The following RAD54B variants were observed in gnomAD, a reference collection of about 807,000 sequenced individuals.
RAD54B encodes the protein RAD54 homolog B.
In RAD54B, 78 loss-of-function variants were observed where a neutral mutation model predicts 95.8. The ratio of observed to expected loss-of-function variants is 0.81; its 90% confidence interval spans 0.68 to 0.98. The LOEUF is 0.98. Among genes scored for constraint, RAD54B ranks in the 50% least tolerant of loss-of-function variants. RAD54B has a pLI of 0.00. For synonymous variants in RAD54B, 328 were observed against 354.9 expected (o/e 0.92, Z 0.85); for missense variants, 957 against 1,056.6 (o/e 0.91, Z 1.31).
At chr8:94,468,292 C>T (rs1813078371) in intron 1 of RAD54B, among the ~76,000 whole-genome samples, 1 of 152,144 alleles carries the variant, frequency 6.6e-6, no homozygotes, top group African/African-American at 2.4e-5. Flanking sequence ...TTTTTCCTCG[C>T]TTGGCACCCT....
Position 94,376,171 on chromosome 8 carries a change from G to A in RAD54B, c.2515+2009C>T, listed in dbSNP as rs184496680. ...ATTTACAAAAAATGACCACACACTA[G>A]ACCATACCCCAAGTCTCTATAATTA... On this transcript the variant is annotated intron_variant, in intron 14 of 14. Coordinates refer to ENST00000336148, the MANE Select transcript of RAD54B (RefSeq NM_012415.3). Among the ~76,000 whole-genome samples the A allele has an allele frequency of 9.9e-5, 15 of 152,058 alleles. No individual in the cohort carries two copies. The East Asian group carries it at 2.7e-3, about 27-fold the overall frequency.
chr8:94,458,827 A>G (rs1812836447), intron 2 of RAD54B, among the ~76,000 whole-genome samples: 1 of 152,106 alleles, frequency 6.6e-6, no homozygotes, highest in Non-Finnish European at 1.5e-5. Context: ...AGATTGTACC[A>G]CTGCATTCCA....
chr8:94,467,360 A>G, intron 2 of RAD54B, 45 bp downstream of exon 2: 1 of 1,459,226 alleles, frequency 6.9e-7, no homozygotes, highest in African/African-American at 1.4e-5. Context: ...TTAAACATAC[A>G]TGCTTCTCTA....
At chr8:94,422,752 T>TTTTA (rs1339321134) in intron 3 of RAD54B, among the ~76,000 whole-genome samples, 3 of 125,428 alleles carry the variant, frequency 2.4e-5, no homozygotes, top group South Asian at 2.6e-4. Context: ...CCACAAAAAA[T>TTTTA]TATATATATA....
At chr8:94,380,013 G>T (rs1338392172) in intron 12 of RAD54B, 132 bp downstream of exon 12, 1 of 976,674 alleles carries the variant, frequency 1.0e-6, no homozygotes, top group Admixed American at 2.8e-5. Context: ...AAAGCACTTA[G>T]GAGAGTGCCT....
chr8:94,430,841 G>A, intron 3 of RAD54B: 2 of 985,402 alleles, frequency 2.0e-6, no homozygotes, highest in Non-Finnish European at 2.4e-6. Flanking sequence ...CCTAGTCCAG[G>A]GAGATGTCCT....
intron 14 of RAD54B, among the ~76,000 whole-genome samples, chr8:94,375,277 A>G (rs1810541412): frequency 6.6e-6 from 1 of 152,220 alleles, no homozygotes; most frequent in Admixed American, 6.5e-5. Context: ...ATGGTTTGGC[A>G]GTGTCCCCAC....
At chr8:94,424,200 T>C (rs1811888262) in intron 3 of RAD54B, among the ~76,000 whole-genome samples, 2 of 152,232 alleles carry the variant, frequency 1.3e-5, no homozygotes, top group African/African-American at 2.4e-5. Context: ...CAGAAGGGCA[T>C]GAACTATGGA....
intron 3 of RAD54B, among the ~76,000 whole-genome samples, chr8:94,439,285 A>T (rs1263334028): frequency 1.3e-5 from 2 of 152,216 alleles, no homozygotes; most frequent in East Asian, 3.8e-4. Flanking sequence ...TAGAAAAATA[A>T]AATGCACACG....
chr8:94,431,383 G>GTAA, intron 3 of RAD54B: 19 of 984,490 alleles, frequency 1.9e-5, no homozygotes, highest in Non-Finnish European at 2.2e-5. Context: ...GGTAATTGAT[G>GTAA]TAATTATCCT....
Position 94,430,225 on chromosome 8 carries a change from C to T in RAD54B, c.305-18910G>A, listed in dbSNP as rs750598034. The T allele has an allele frequency of 5.6e-6, 4 of 715,384 alleles. No individual in the cohort carries two copies. The African/African-American group carries it at 5.8e-5, about 10-fold the overall frequency. 44.3% of individuals were successfully genotyped at this position (715,384 alleles called of 1,614,324 possible). A position where few individuals can be genotyped will look rare whatever the true frequency, so the allele number is the denominator to read the frequency against. On this transcript the variant is annotated intron_variant, in intron 3 of 14. Transcript: ENST00000336148. ...ACTTGGGAAGCTGAAGCAGGAGAAT[C>T]GCTTGAACCCAGGAAACGGAGATTG...
chr8:94,401,452 T>C (rs1251895249), intron 6 of RAD54B, among the ~76,000 whole-genome samples: 1 of 152,220 alleles, frequency 6.6e-6, no homozygotes, highest in Non-Finnish European at 1.5e-5. Context: ...GTTTTCTTCA[T>C]GCTTTCTTTT....
chr8:94,380,412 A>G lies in RAD54B; in HGVS notation c.1986-6T>C, dbSNP rs372905953. 5 of 1,569,984 alleles carry G rather than the reference A, an allele frequency of 3.2e-6. No homozygotes were observed. The African/African-American group carries it at 6.9e-5, about 22-fold the overall frequency. ...AGTTGGATACCAACACCACCCTGTCAATCAAAAAGAAAGATTCTTTAGATA... is the reference window on the plus strand; with the variant it reads ...AGTTGGATACCAACACCACCCTGTCGATCAAAAAGAAAGATTCTTTAGATA... On this transcript the variant is annotated splice_region_variant and splice_polypyrimidine_tract_variant and intron_variant, in intron 11 of 14. Transcript: ENST00000336148.
intron 3 of RAD54B, among the ~76,000 whole-genome samples, chr8:94,439,645 T>G (rs528550528): frequency 5.6e-4 from 85 of 151,520 alleles, no homozygotes; most frequent in South Asian, 1.3e-3. Flanking sequence ...AAGAAATACA[T>G]TGGTTTAGTT....
At chr8:94,417,831 G>C (rs557467617) in intron 3 of RAD54B, among the ~76,000 whole-genome samples, 2 of 152,286 alleles carry the variant, frequency 1.3e-5, no homozygotes, top group East Asian at 3.9e-4. Flanking sequence ...TTTAGAAAGT[G>C]AGTCTTGGCT....
chr8:94,457,437 T>G (rs2130175774), intron 3 of RAD54B, among the ~76,000 whole-genome samples: 1 of 152,320 alleles, frequency 6.6e-6, no homozygotes, highest in Admixed American at 6.5e-5. Context: ...AATGGCCAGT[T>G]AGGTAAATAC....
chr8:94,400,194 A>G, intron 7 of RAD54B, 44 bp downstream of exon 7: 1 of 1,524,098 alleles, frequency 6.6e-7, no homozygotes. Context: ...TTGAAAAACT[A>G]GATTTTTTTT....
At chr8:94,389,517 A>G (rs940353762) in intron 10 of RAD54B, among the ~76,000 whole-genome samples, 8 of 152,192 alleles carry the variant, frequency 5.3e-5, no homozygotes, top group African/African-American at 1.9e-4. Context: ...GAGATTTACC[A>G]GTTTGACTTC....
intron 9 of RAD54B, 32 bp from the exon 10 acceptor site, chr8:94,391,931 G>T: frequency 6.5e-7 from 1 of 1,535,932 alleles, no homozygotes; most frequent in Non-Finnish European, 8.8e-7. Context: ...AAATGAAAGT[G>T]TTATAGACAA....
Sources: gnomAD v4.1 joint callset for allele counts (sites outside exome capture counted in the v4.1 genomes callset) on GRCh38, gnomAD v4.1.1 for gene constraint, MANE v1.5 for transcripts, NCBI Gene and HGNC (gene_info 2026-07-23, HGNC 2026-07-21) for gene names.